The following RALGDS variants were observed in gnomAD, a reference collection of about 807,000 sequenced individuals.
The protein encoded by RALGDS is ral guanine nucleotide exchange factor.
In RALGDS, 44 loss-of-function variants were observed where a neutral mutation model predicts 99.8. The ratio of observed to expected loss-of-function variants is 0.44; its 90% CI spans 0.35 to 0.57. RALGDS has a LOEUF of 0.57. Ranked by LOEUF, RALGDS falls within the 20% of genes least tolerant of loss-of-function variation. RALGDS has a pLI of 0.01. For missense variants in RALGDS, 1,022 were observed against 1,203.1 expected (o/e 0.85, Z 2.23); for synonymous variants, 529 against 505.0 (o/e 1.05, Z -0.64).
upstream of RALGDS, among the ~76,000 whole-genome samples, chr9:133,123,803 GAGACACACACAGAGAGACAGAGACAC>G (rs1832034959): frequency 3.2e-5 from 2 of 61,852 alleles, 1 homozygote; most frequent in Non-Finnish European, 7.9e-5. Flanking sequence ...TGCACACACA[GAGACACACACAGAGAGACAGAGACAC>G]AGACACACAC....
intron 1 of RALGDS, among the ~76,000 whole-genome samples, chr9:133,127,809 G>C (rs1415921351): frequency 6.6e-6 from 1 of 152,228 alleles, no homozygotes; most frequent in African/African-American, 2.4e-5. Flanking sequence ...CCGAACCACT[G>C]AAATCTCCAG....
intron 1 of RALGDS, among the ~76,000 whole-genome samples, chr9:133,120,092 G>A (rs372945172): frequency 6.6e-6 from 1 of 152,176 alleles, no homozygotes; most frequent in South Asian, 2.1e-4. Context: ...CCTGTGCCCA[G>A]GCAGAGCAGG....
At chr9:133,120,537 G>A (rs1831877268) in intron 1 of RALGDS, among the ~76,000 whole-genome samples, 1 of 151,680 alleles carries the variant, frequency 6.6e-6, no homozygotes, top group South Asian at 2.1e-4. Context: ...TCACCTCTGA[G>A]GATTCTAGGA....
upstream of RALGDS, among the ~76,000 whole-genome samples, chr9:133,124,650 C>A (rs182047068): frequency 1.3e-4 from 20 of 152,342 alleles, no homozygotes; most frequent in East Asian, 3.9e-3. Flanking sequence ...AGATAAAGTT[C>A]CCTGCACAGG....
At position 133,101,476 on chromosome 9, in the gene RALGDS, G is replaced by C. The variant is rs766829589; in HGVS notation, c.2454+44C>G. On this transcript the variant is annotated intron_variant, in intron 16 of 17. Transcript: ENST00000372050. ...GGTGCACTGTGTTCAGGGTGCATTT[G>C]CCGCCAGTGGAGGGAGGCACCCAGG... The C allele has an allele frequency of 5.0e-6, 8 of 1,607,972 alleles. No individual in the cohort carries two copies. The South Asian group carries it at 8.8e-5, about 18-fold the overall frequency.
intron 17 of RALGDS, chr9:133,099,981 T>A (rs927156044): frequency 2.2e-5 from 11 of 492,080 alleles, no homozygotes; most frequent in Non-Finnish European, 3.3e-5. Context: ...TCCCTTCCAG[T>A]GGGCCACGTG....
In RALGDS at chr9:133,110,456, TC is replaced by T; in HGVS notation, c.327del (p.Thr110LeufsTer7). The T allele has an allele frequency of 1.2e-6, 2 of 1,613,200 alleles. No homozygotes were observed. The highest frequency in any genetic ancestry group is 1.7e-6 in the Non-Finnish European group (2 of 1,179,854). ...YENESALNLY[E>X]TCKVRTVKAG... is the part of the protein sequence containing the mutation. The stretch of plus-strand genomic sequence containing the variant: ...GCCTTCACGGTCCGCACCTTGCAAG[TC>T]TCATAAAGGTTCAGGGCCGACTCAT... On this transcript the variant is annotated frameshift_variant, in exon 3 of 18. Transcript: ENST00000372050. LOFTEE classifies it high-confidence loss of function.
chr9:133,108,574 G>T, intron 5 of RALGDS, 99 bp downstream of exon 5: 1 of 1,492,564 alleles, frequency 6.7e-7, no homozygotes. Flanking sequence ...GCTCATCTGG[G>T]CCCCTGACCC....
chr9:133,138,698 G>C (rs1195087704), intron 1 of RALGDS, among the ~76,000 whole-genome samples: 1 of 152,226 alleles, frequency 6.6e-6, no homozygotes, highest in African/African-American at 2.4e-5. Context: ...AGGCTGGAGT[G>C]ATCTCGGCTC....
intron 1 of RALGDS, among the ~76,000 whole-genome samples, chr9:133,119,843 G>A (rs1251425349): frequency 1.3e-5 from 2 of 152,184 alleles, no homozygotes; most frequent in African/African-American, 4.8e-5. Flanking sequence ...ACACTGGGCG[G>A]AGAAACAAGT....
upstream of RALGDS, among the ~76,000 whole-genome samples, chr9:133,135,649 C>G (rs1027362784): frequency 6.6e-6 from 1 of 152,210 alleles, no homozygotes; most frequent in African/African-American, 2.4e-5. Flanking sequence ...TGGGCCAAAC[C>G]CTCATCCTGT....
intron 1 of RALGDS, chr9:133,129,440 G>A: frequency 7.1e-7 from 1 of 1,400,936 alleles, no homozygotes; most frequent in South Asian, 1.6e-5. Context: ...CACCCGCGTG[G>A]CTGTCATACC....
chr9:133,106,935 CGTGA>C, intron 7 of RALGDS, 146 bp downstream of exon 7: 2 of 955,170 alleles, frequency 2.1e-6, no homozygotes, highest in African/African-American at 1.8e-5. Flanking sequence ...GTAAGGAAGA[CGTGA>C]GCATCCAGGC....
At chr9:133,107,516 G>A (rs913899081) in intron 6 of RALGDS, among the ~76,000 whole-genome samples, 13 of 152,196 alleles carry the variant, frequency 8.5e-5, no homozygotes, top group African/African-American at 2.2e-4. Flanking sequence ...TCCAACAGGC[G>A]GCTCACGCCT....
Position 133,101,512 on chromosome 9 carries a change from CG to C in RALGDS, c.2454+7del, listed in dbSNP as rs1830756072. ...AGGGAGGCACCCAGGCCACCCCCGC[CG>C]GCTTACCAGGATGCTCTTGTACATG... On this transcript the variant is annotated splice_region_variant and intron_variant, in intron 16 of 17. Coordinates refer to ENST00000372050, the MANE Select transcript of RALGDS (RefSeq NM_006266.4). 2.5e-6 allele frequency: 4 copies of C among 1,611,264 alleles called. No homozygotes were observed. The African/African-American group carries it at 5.3e-5, about 22-fold the overall frequency.
chr9:133,112,222 G>A (rs1831383601), intron 1 of RALGDS, 70 bp from the exon 2 acceptor site: 1 of 1,017,360 alleles, frequency 9.8e-7, no homozygotes. Flanking sequence ...TGCAGGGGAT[G>A]CACCTGTGTA....
chr9:133,142,420 C>T lies in RALGDS; in HGVS notation c.18+6543G>A, dbSNP rs79155577. Among the ~76,000 whole-genome samples, 7 of 152,312 alleles carry T rather than the reference C, an allele frequency of 4.6e-5. No individual in the cohort carries two copies. In the South Asian group the frequency reaches 1.5e-3, roughly 32 times the overall value. ...CGGAAAGCCCATCGGAAAGCCCCAGCCCGGAGCCTTCCTGCAGGCAAGTAT... is the reference window on the plus strand; with the variant it reads ...CGGAAAGCCCATCGGAAAGCCCCAGTCCGGAGCCTTCCTGCAGGCAAGTAT... On this transcript the variant is annotated intron_variant, in intron 1 of 17. Transcript: ENST00000393160.
chr9:133,128,812 T>G (rs1832242550), intron 1 of RALGDS, among the ~76,000 whole-genome samples: 1 of 152,106 alleles, frequency 6.6e-6, no homozygotes, highest in Non-Finnish European at 1.5e-5. Context: ...AGTGAAGCAG[T>G]GCACAGAAGT....
chr9:133,105,818 C>CGCCCCAGCCCCA, intron 9 of RALGDS, 114 bp downstream of exon 9: 2 of 296,188 alleles, frequency 6.8e-6, no homozygotes, highest in East Asian at 2.0e-4. Flanking sequence ...CACCGCCCGC[C>CGCCCCAGCCCCA]GCCCCAGCCC....
Sources: allele counts gnomAD v4.1 joint callset (sites outside exome capture counted in the v4.1 genomes callset), GRCh38; gene constraint gnomAD v4.1.1; transcripts MANE v1.5; gene names NCBI Gene and HGNC (gene_info 2026-07-23, HGNC 2026-07-21).